Variants in SSUH2 observed in about 807,000 individuals in gnomAD.
SSUH2 encodes the protein ssu-2 homolog.
Under a neutral mutation model 55.3 loss-of-function variants are expected in SSUH2, and 47 were observed. The ratio of observed to expected loss-of-function variants is 0.85; its 90% CI spans 0.67 to 1.08. The LOEUF (loss-of-function observed/expected upper bound fraction) is 1.08. Ranked by LOEUF, SSUH2 falls within the 50% of genes least tolerant of loss-of-function variation. The probability of loss-of-function intolerance (pLI) is 0.00; values close to 1 mark genes in which losing one functional copy is unlikely to be tolerated. For missense variants in SSUH2, 535 were observed against 490.7 expected (o/e 1.09, Z -0.85); for synonymous variants, 212 against 191.5 (o/e 1.11, Z -0.89).
chr3:8,639,181 G>T (rs1242679415), intron 1 of SSUH2, among the ~76,000 whole-genome samples: 1 of 152,216 alleles, frequency 6.6e-6, no homozygotes, highest in East Asian at 1.9e-4. Flanking sequence ...GTGACACCCA[G>T]CACGGGGCAC....
At chr3:8,647,786 G>C (rs1365023027), upstream of SSUH2, among the ~76,000 whole-genome samples, 1 of 152,198 alleles carries the variant, frequency 6.6e-6, no homozygotes, top group Non-Finnish European at 1.5e-5. Context: ...CAGGAGCCAA[G>C]ACTGCCAACA....
upstream of SSUH2, among the ~76,000 whole-genome samples, chr3:8,648,348 C>T (rs1322236102): frequency 2.0e-5 from 3 of 152,122 alleles, no homozygotes; most frequent in African/African-American, 7.2e-5. Context: ...GGGGAAGGAG[C>T]GTGGCATGGT....
intron 3 of SSUH2, chr3:8,677,110 A>AGG (rs1559557634): frequency 1.5e-4 from 20 of 129,376 alleles, no homozygotes; most frequent in Non-Finnish European, 3.3e-4. Flanking sequence ...CGCAGCGGGG[A>AGG]GAGATACCCC....
chr3:8,668,042 T>A (rs925442037), intron 5 of SSUH2, among the ~76,000 whole-genome samples: 3 of 151,992 alleles, frequency 2.0e-5, no homozygotes, highest in African/African-American at 4.8e-5. Flanking sequence ...TTTCAATTTT[T>A]AAAAAAAATT....
At position 8,626,320 on chromosome 3, in the gene SSUH2, A is replaced by G; in HGVS notation, c.676T>C (p.Cys226Arg). ...TTCCCTCTCCCTGAGCAAGTGCTGC[A>G]TCTGAGAAAGGCACAGAGTCCGTAC... is the stretch of plus-strand genomic sequence containing the variant. ...QLCAGSGRRR[C>R]STCSGRGNKT... The change falls in exon 9 of 12, where the codon TGC becomes CGC. Residue 226 changes from cysteine to arginine, a missense_variant and splice_region_variant. Cys to Arg is a radical substitution (Grantham distance 180, BLOSUM62 -3). Coordinates refer to ENST00000544814, the MANE Select transcript of SSUH2 (RefSeq NM_001256748.3). The G allele has an allele frequency of 6.2e-7, 1 of 1,613,846 alleles. No homozygotes were observed. The highest frequency in any genetic ancestry group is 1.1e-5 in the South Asian group (1 of 91,028).
Position 8,625,580 on chromosome 3 carries a change from C to A in SSUH2, c.835G>T (p.Ala279Ser), listed in dbSNP as rs1251170971. 3 of 1,613,868 alleles carry A rather than the reference C, an allele frequency of 1.9e-6. No individual in the cohort carries two copies. Among genetic ancestry groups the A allele is most frequent in the Non-Finnish European group, 2.5e-6 (3 of 1,179,888 alleles). ...TCCTTAAAGAGGTTTTCTCCTTTGG[C>A]TTTAGCAAGGAGCTCCCTGGGGCAG... ...LNCPRELLAK[A>S]KGENLFKDEN... Residue 279 changes from alanine to serine, a missense_variant, in exon 10 of 12, where the codon GCC (alanine) becomes TCC (serine). Coordinates refer to ENST00000544814, the MANE Select transcript of SSUH2 (RefSeq NM_001256748.3).
At chr3:8,631,222 T>C (rs1312906876) in intron 5 of SSUH2, among the ~76,000 whole-genome samples, 1 of 152,150 alleles carries the variant, frequency 6.6e-6, no homozygotes, top group Non-Finnish European at 1.5e-5. Flanking sequence ...ATGGGGATAG[T>C]CATGGCACCT....
upstream of SSUH2, among the ~76,000 whole-genome samples, chr3:8,648,813 C>T (rs1459200194): frequency 6.6e-6 from 1 of 152,160 alleles, no homozygotes; most frequent in African/African-American, 2.4e-5. Flanking sequence ...AGCTCCAGGA[C>T]TCTACCAATC....
At chr3:8,621,813 G>A (rs1696502407) in intron 11 of SSUH2, among the ~76,000 whole-genome samples, 1 of 152,216 alleles carries the variant, frequency 6.6e-6, no homozygotes, top group Admixed American at 6.5e-5. Flanking sequence ...AAGGGCACAA[G>A]GAGATGGGAG....
intron 7 of SSUH2, among the ~76,000 whole-genome samples, chr3:8,655,769 C>T (rs2125340463): frequency 6.6e-6 from 1 of 152,306 alleles, no homozygotes; most frequent in Admixed American, 6.5e-5. Context: ...AAACTGATAA[C>T]ACAGCCCCTC....
At position 8,635,790 on chromosome 3, in the gene SSUH2, C is replaced by A; in HGVS notation, c.96G>T (p.Leu32=). ...CTTGAAGAAGCCAGTCATAGCTGGG[C>A]AGTCTCTCCAGGAGCTCTGTGGGGG... The part of the protein sequence containing the change: ...LAPPTELLER[L]PSYDWLLQGG... Residue 32 remains leucine, a synonymous_variant, in exon 2 of 12, where the codon CTG becomes CTT. Coordinates refer to ENST00000544814, the MANE Select transcript of SSUH2 (RefSeq NM_001256748.3). The A allele has an allele frequency of 1.3e-6, 2 of 1,536,012 alleles. No individual in the cohort carries two copies. Among genetic ancestry groups the A allele is most frequent in the South Asian group, 2.4e-5 (2 of 83,986 alleles).
chr3:8,681,384 G>C (rs1350336489), intron 1 of SSUH2, among the ~76,000 whole-genome samples: 2 of 148,358 alleles, frequency 1.3e-5, no homozygotes, highest in Non-Finnish European at 3.0e-5. Context: ...TGGCTCTGAG[G>C]ACACCCATCG....
upstream of SSUH2, chr3:8,644,867 C>G: frequency 1.1e-6 from 1 of 901,742 alleles, no homozygotes; most frequent in Non-Finnish European, 1.8e-6. Flanking sequence ...CCATTGTTAC[C>G]CAGTTGGAAT....
intron 6 of SSUH2, 117 bp from the exon 7 acceptor site, chr3:8,629,843 A>C: frequency 1.1e-6 from 1 of 949,594 alleles, no homozygotes; most frequent in Non-Finnish European, 1.7e-6. Flanking sequence ...GGAAGATGGC[A>C]CAGGAAAGAA....
intron 3 of SSUH2, among the ~76,000 whole-genome samples, chr3:8,676,649 A>G (rs1253113939): frequency 3.3e-5 from 5 of 150,998 alleles, no homozygotes; most frequent in Non-Finnish European, 5.9e-5. Flanking sequence ...TCTGCCTATT[A>G]TGGGGAGTAA....
In SSUH2 at chr3:8,635,875, T is replaced by A; in HGVS notation, c.29-18A>T. On this transcript the variant is annotated intron_variant, in intron 1 of 11. Transcript: ENST00000544814. ...CACCACACCTGCAGAAAGACAAGCA[T>A]TCCTAAGCCTTGGGTAGGGAGGCGA... The A allele has an allele frequency of 2.0e-6, 3 of 1,534,516 alleles. No homozygotes were observed. The South Asian group carries it at 3.6e-5, about 18-fold the overall frequency.
intron 11 of SSUH2, among the ~76,000 whole-genome samples, chr3:8,621,306 G>T (rs1159265632): frequency 3.3e-5 from 5 of 152,218 alleles, no homozygotes; most frequent in Admixed American, 6.5e-5. Flanking sequence ...GTTGGGAAAA[G>T]AACCCCAAGT....
At chr3:8,680,040 C>T (rs868392116) in intron 1 of SSUH2, among the ~76,000 whole-genome samples, 1 of 152,122 alleles carries the variant, frequency 6.6e-6, no homozygotes, top group African/African-American at 2.4e-5. Flanking sequence ...TCCAGCAGCC[C>T]CAGCCCTGGG....
At chr3:8,630,420 A>G (rs2125150304) in intron 6 of SSUH2, among the ~76,000 whole-genome samples, 1 of 152,244 alleles carries the variant, frequency 6.6e-6, no homozygotes, top group East Asian at 1.9e-4. Context: ...ACTCTCATGC[A>G]AAATCCCAGC....
Sources: gnomAD v4.1 joint callset for allele counts (sites outside exome capture counted in the v4.1 genomes callset) on GRCh38, gnomAD v4.1.1 for gene constraint, MANE v1.5 for transcripts, NCBI Gene and HGNC (gene_info 2026-07-23, HGNC 2026-07-21) for gene names.